Variants in SCRN1 observed in about 807,000 individuals in gnomAD.
SCRN1 encodes secernin 1, also known as secernin-1.
Under a neutral mutation model 43.3 loss-of-function variants are expected in SCRN1, and 19 were observed. That is an observed-to-expected ratio of 0.44 (90% CI 0.31 to 0.64). The LOEUF (loss-of-function observed/expected upper bound fraction) is 0.64, where lower values mean the gene tolerates loss of function less well. Ranked by LOEUF, SCRN1 falls within the 30% of genes least tolerant of loss-of-function variation. The pLI is 0.09. For synonymous variants in SCRN1, 183 were observed against 188.9 expected (o/e 0.97, Z 0.26); for missense variants, 447 against 524.1 (o/e 0.85, Z 1.44).
chr7:29,966,545 T>A (rs1009506525), intron 2 of SCRN1, among the ~76,000 whole-genome samples: 2 of 151,964 alleles, frequency 1.3e-5, no homozygotes, highest in African/African-American at 4.8e-5. Context: ...CTACACAGAG[T>A]CCACTCTGTT....
chr7:29,986,181 A>G (rs1344609538), intron 1 of SCRN1, among the ~76,000 whole-genome samples: 2 of 152,232 alleles, frequency 1.3e-5, no homozygotes, highest in African/African-American at 4.8e-5. Context: ...GGTTGCAGTG[A>G]GCCGAGATCG....
chr7:29,970,266 C>T (rs924846976), intron 1 of SCRN1, among the ~76,000 whole-genome samples: 2 of 152,164 alleles, frequency 1.3e-5, no homozygotes, highest in Non-Finnish European at 2.9e-5. Context: ...CTACCACTCA[C>T]CCCTCCACTC....
At chr7:29,979,909 A>G (rs1349725437) in intron 1 of SCRN1, among the ~76,000 whole-genome samples, 1 of 152,240 alleles carries the variant, frequency 6.6e-6, no homozygotes, top group Non-Finnish European at 1.5e-5. Flanking sequence ...TTGGAAAACA[A>G]TTTTCCTTCT....
intron 3 of SCRN1, among the ~76,000 whole-genome samples, chr7:29,945,821 G>A (rs1787718897): frequency 6.6e-6 from 1 of 152,192 alleles, no homozygotes; most frequent in Admixed American, 6.5e-5. Context: ...CTCAGGAAGT[G>A]TCCATATTCA....
rs759972281 is a variant in SCRN1, at chr7:29,943,972, C to G, written c.544+5G>C. The G allele has an allele frequency of 6.2e-7, 1 of 1,613,996 alleles. No individual in the cohort carries two copies. The highest frequency in any genetic ancestry group is 1.3e-5 in the African/African-American group (1 of 74,938). On this transcript the variant is annotated splice_donor_5th_base_variant and intron_variant, in intron 4 of 7. Coordinates refer to ENST00000242059, the MANE Select transcript of SCRN1 (RefSeq NM_014766.5). ...CAGAACTCTCCATCATCCACACCCA[C>G]TCACCTGTGACTTTCTCGGCAGCCC... is the stretch of plus-strand genomic sequence containing the variant.
intron 6 of SCRN1, among the ~76,000 whole-genome samples, chr7:29,933,021 C>T (rs1414280826): frequency 3.9e-5 from 6 of 152,000 alleles, no homozygotes; most frequent in Admixed American, 2.6e-4. Flanking sequence ...GGATTACAGG[C>T]GTGCACCACC....
chr7:29,964,057 G>C (rs1788412914), intron 2 of SCRN1, among the ~76,000 whole-genome samples: 1 of 152,192 alleles, frequency 6.6e-6, no homozygotes, highest in East Asian at 1.9e-4. Flanking sequence ...ACAGGATGGA[G>C]ACAAGGGAGG....
chr7:29,984,372 A>C (rs1369509431), intron 1 of SCRN1, among the ~76,000 whole-genome samples: 1 of 152,100 alleles, frequency 6.6e-6, no homozygotes, highest in Non-Finnish European at 1.5e-5. Context: ...ACATAAACTC[A>C]ATTCAACAAG....
chr7:29,948,008 C>G (rs973068538), intron 3 of SCRN1, among the ~76,000 whole-genome samples: 1 of 152,182 alleles, frequency 6.6e-6, no homozygotes, highest in Non-Finnish European at 1.5e-5. Flanking sequence ...GTAGTTTCAA[C>G]CCCCTAGGCT....
At chr7:29,929,338 G>T (rs563008337) in intron 6 of SCRN1, among the ~76,000 whole-genome samples, 1 of 152,314 alleles carries the variant, frequency 6.6e-6, no homozygotes. Flanking sequence ...GCAGGCAAGG[G>T]AACTGCGACC....
chr7:29,990,286 A>C, upstream of SCRN1: 1 of 1,545,512 alleles, frequency 6.5e-7, no homozygotes, highest in Non-Finnish European at 8.8e-7. Context: ...ATTGTGGCCT[A>C]GAGAGGTTAA....
In SCRN1 at chr7:29,922,582, G is replaced by C. The variant is rs963006756; in HGVS notation, c.*1375C>G. 6.6e-6 allele frequency: 1 copy of C among 152,280 alleles called. No individual in the cohort carries two copies. Among genetic ancestry groups the C allele is most frequent in the African/African-American group, 2.4e-5 (1 of 41,456 alleles). The allele number at this position is 152,280 out of a possible 1,614,324, so 9.4% of individuals were successfully genotyped here. On this transcript the variant is annotated 3_prime_UTR_variant, in exon 8 of 8. Coordinates refer to ENST00000242059, the MANE Select transcript of SCRN1 (RefSeq NM_014766.5). Reference sequence around the variant, plus strand: ...ATCATCTCTGCCCGTTTCAGGAGTAGCTGAGAGCTTGAATAGGTGGCGGTA... The same window carrying C: ...ATCATCTCTGCCCGTTTCAGGAGTACCTGAGAGCTTGAATAGGTGGCGGTA...
chr7:29,951,742 A>G (rs980850154), intron 3 of SCRN1, among the ~76,000 whole-genome samples: 1 of 152,252 alleles, frequency 6.6e-6, no homozygotes, highest in Non-Finnish European at 1.5e-5. Flanking sequence ...TATAAAAACA[A>G]TATTGCCTAA....
chr7:29,946,681 A>G (rs1158167140), intron 3 of SCRN1, among the ~76,000 whole-genome samples: 1 of 152,138 alleles, frequency 6.6e-6, no homozygotes. Flanking sequence ...AGCACTATCC[A>G]CAGACCTAAT....
Position 29,982,550 on chromosome 7 carries a change from G to A in SCRN1, c.-2+7092C>T, listed in dbSNP as rs151326352. Among the ~76,000 whole-genome samples, 1,160 of 152,104 alleles carry A rather than the reference G, an allele frequency of 7.6e-3. 22 individuals carry two copies. Among genetic ancestry groups the A allele is most frequent in the African/African-American group, 0.026 (1,081 of 41,486 alleles). On this transcript the variant is annotated intron_variant, in intron 1 of 7. Transcript: ENST00000242059. ...AAAAATAAATTAGTCAGGTGTAGTG[G>A]TGTACACTTGTGGTCCCAGCTACTC... is the stretch of plus-strand genomic sequence containing the variant.
At chr7:29,982,871 C>T (rs1011010057) in intron 1 of SCRN1, among the ~76,000 whole-genome samples, 11 of 150,258 alleles carry the variant, frequency 7.3e-5, no homozygotes, top group African/African-American at 2.2e-4. Flanking sequence ...GACGGATTCT[C>T]GCCCTGTTGC....
rs566095606 is a variant in SCRN1 at position 29,956,488 on chromosome 7, T to C, written c.160-1128A>G. Among the ~76,000 whole-genome samples, 4 of 152,370 alleles carry C rather than the reference T, an allele frequency of 2.6e-5. 1 individual carries two copies. The highest frequency in any genetic ancestry group is 9.6e-5 in the African/African-American group (4 of 41,588). The stretch of plus-strand genomic sequence containing the variant: ...TCATTTACATTTTAAACGGGGCAGC[T>C]GAAAGCAACAGCAGCCTTAGATCTT... On this transcript the variant is annotated intron_variant, in intron 2 of 7. Coordinates refer to ENST00000242059, the MANE Select transcript of SCRN1 (RefSeq NM_014766.5).
upstream of SCRN1, chr7:29,990,189 A>G: frequency 2.6e-6 from 4 of 1,551,418 alleles, no homozygotes; most frequent in South Asian, 1.2e-5. Flanking sequence ...TACCTTGTTG[A>G]CTCGCACGTC....
intron 1 of SCRN1, among the ~76,000 whole-genome samples, chr7:29,971,245 G>A (rs1017188848): frequency 3.3e-5 from 5 of 152,212 alleles, no homozygotes; most frequent in African/African-American, 4.8e-5. Context: ...TCTTGCAAAT[G>A]TTTTGCCACA....
Sources: allele counts gnomAD v4.1 joint callset (sites outside exome capture counted in the v4.1 genomes callset), GRCh38; gene constraint gnomAD v4.1.1; transcripts MANE v1.5; gene names NCBI Gene and HGNC (gene_info 2026-07-23, HGNC 2026-07-21).